The following NUP62 variants were observed in gnomAD, a reference collection of about 807,000 sequenced individuals.
NUP62 encodes nuclear pore glycoprotein p62.
For synonymous variants in NUP62, 305 were observed against 303.4 expected (o/e 1.01, Z -0.05); for missense variants, 647 against 689.4 (o/e 0.94, Z 0.69).
At chr19:49,926,843 A>C (rs1010291059) in intron 2 of NUP62, among the ~76,000 whole-genome samples, 1 of 145,142 alleles carries the variant, frequency 6.9e-6, no homozygotes, top group African/African-American at 2.5e-5. Flanking sequence ...TAACAGCCCT[A>C]AGAAGTAGGT....
chr19:49,916,049 G>A (rs957557215), intron 2 of NUP62, among the ~76,000 whole-genome samples: 1 of 152,208 alleles, frequency 6.6e-6, no homozygotes, highest in African/African-American at 2.4e-5. Context: ...CTGTGTAACC[G>A]GCACCGTGCC....
At chr19:49,910,070 C>T (rs1012981772) in intron 2 of NUP62, among the ~76,000 whole-genome samples, 186 bp from the exon 3 acceptor site, 5 of 151,986 alleles carry the variant, frequency 3.3e-5, no homozygotes, top group East Asian at 1.9e-4. Context: ...GGGTCAGGTA[C>T]GAGGAGCCGG....
At chr19:49,911,653 C>G (rs565499070) in intron 2 of NUP62, among the ~76,000 whole-genome samples, 1 of 152,200 alleles carries the variant, frequency 6.6e-6, no homozygotes, top group Non-Finnish European at 1.5e-5. Flanking sequence ...GAGATGACCC[C>G]AGGGCCAGCT....
rs1302497459 is a variant in NUP62 at position 49,921,939 on chromosome 19, T to C, written c.-78+5755A>G. 1.3e-5 allele frequency among the ~76,000 whole-genome samples: 2 copies of C among 152,202 alleles called. No homozygotes were observed. The highest frequency in any genetic ancestry group is 1.5e-5 in the Non-Finnish European group (1 of 68,036). On this transcript the variant is annotated intron_variant, in intron 2 of 2. Transcript: ENST00000352066. This position sits in a 1 kb window ranked among gnomAD's most constrained non-coding sequence, Gnocchi z 5.4. ...CTTCCATCTTGGCAGGATGAGTGCATTTGCTGCGAGAAAGCAGCCCCGACG... is the reference window on the plus strand; with the variant it reads ...CTTCCATCTTGGCAGGATGAGTGCACTTGCTGCGAGAAAGCAGCCCCGACG...
chr19:49,908,064 A>C lies in NUP62; in HGVS notation c.*175T>G. The C allele has an allele frequency of 2.2e-6, 3 of 1,384,242 alleles. No homozygotes were observed. The highest frequency in any genetic ancestry group is 2.9e-6 in the Non-Finnish European group (3 of 1,046,414). 85.7% of individuals were successfully genotyped at this position (1,384,242 alleles called of 1,614,324 possible). ...AGGCTGCTGCCTGGGCAGAAGGCCC[A>C]GAATACCCTCCTAAATGGAAAAACG... On this transcript the variant is annotated 3_prime_UTR_variant, in exon 3 of 3. Transcript: ENST00000352066.
intron 2 of NUP62, among the ~76,000 whole-genome samples, chr19:49,920,837 G>A (rs950061223): frequency 2.0e-5 from 3 of 152,152 alleles, no homozygotes; most frequent in Non-Finnish European, 4.4e-5. Context: ...CGTGTGTGGC[G>A]GGGGAGGAAC....
Position 49,907,617 on chromosome 19 carries a change from A to G in NUP62, c.*622T>C, listed in dbSNP as rs546317922. ...AGTGGTGTGATCTTGGTTCACTGCAACACCTCCTGGGTTCAAGTGATTCTC... is the reference window on the plus strand; with the variant it reads ...AGTGGTGTGATCTTGGTTCACTGCAGCACCTCCTGGGTTCAAGTGATTCTC... On this transcript the variant is annotated 3_prime_UTR_variant, in exon 3 of 3. Transcript: ENST00000352066. The G allele has an allele frequency of 2.5e-6, 1 of 400,152 alleles. No homozygotes were observed. The highest frequency in any genetic ancestry group is 7.3e-5 in the East Asian group (1 of 13,610). The allele number at this position is 400,152 out of a possible 1,614,324, so 24.8% of individuals were successfully genotyped here. A position where few individuals can be genotyped will look rare whatever the true frequency, so the allele number is the denominator to read the frequency against.
chr19:49,911,407 A>C (rs545110688), intron 2 of NUP62: 2 of 152,356 alleles, frequency 1.3e-5, no homozygotes, highest in South Asian at 4.1e-4. Flanking sequence ...GTCAAGACTG[A>C]GAAGCCAAGT....
intron 2 of NUP62, chr19:49,917,529 C>A (rs2075654978): frequency 1.3e-5 from 2 of 152,286 alleles, no homozygotes; most frequent in South Asian, 4.1e-4. Flanking sequence ...CGGTCCAGGC[C>A]AAATGGCCAG....
Position 49,908,692 on chromosome 19 carries a change from G to C in NUP62, c.1116C>G (p.Ile372Met), listed in dbSNP as rs1388842094. ...DRTLIENGEK[I>M]TSLHREVEKV... ...TCTCCACCTCGCGGTGCAGGCTGGTGATCTTTTCTCCATTCTCGATCAGCG... is the reference window on the plus strand; with the variant it reads ...TCTCCACCTCGCGGTGCAGGCTGGTCATCTTTTCTCCATTCTCGATCAGCG... Residue 372 changes from isoleucine (I) to methionine (M), a missense_variant, in exon 3 of 3, where the codon ATC becomes ATG. By Grantham distance (10) the Ile-to-Met change is conservative (BLOSUM62 1). Coordinates refer to ENST00000352066, the MANE Select transcript of NUP62 (RefSeq NM_016553.5). 5 of 1,612,268 alleles carry C rather than the reference G, an allele frequency of 3.1e-6. No homozygotes were observed. The South Asian group carries it at 3.3e-5, about 11-fold the overall frequency.
At chr19:49,922,604 G>T (rs1254272332) in intron 2 of NUP62, among the ~76,000 whole-genome samples, 1 of 151,966 alleles carries the variant, frequency 6.6e-6, no homozygotes, top group African/African-American at 2.4e-5. Context: ...GTGGGGAGGG[G>T]AAGTCACAGA....
intron 1 of NUP62, chr19:49,928,332 A>C (rs921165651): frequency 5.9e-5 from 9 of 152,208 alleles, no homozygotes; most frequent in Non-Finnish European, 1.0e-4. Flanking sequence ...CCTGGCTAAC[A>C]CAGTGAAACC....
At chr19:49,914,635 TGAGAACCAGGG>T (rs2075571149) in intron 2 of NUP62, among the ~76,000 whole-genome samples, 1 of 150,710 alleles carries the variant, frequency 6.6e-6, no homozygotes, top group African/African-American at 2.4e-5. Flanking sequence ...CCCCCATCTG[TGAGAACCAGGG>T]TTCTTTGCTG....
At position 49,907,971 on chromosome 19, in the gene NUP62, T is replaced by C. The variant is rs2075361079; in HGVS notation, c.*268A>G. The C allele has an allele frequency of 1.7e-6, 1 of 599,652 alleles. No homozygotes were observed. Among genetic ancestry groups the C allele is most frequent in the Non-Finnish European group, 2.8e-6 (1 of 355,532 alleles). 37.1% of individuals were successfully genotyped at this position (599,652 alleles called of 1,614,324 possible). On this transcript the variant is annotated 3_prime_UTR_variant, in exon 3 of 3. Coordinates refer to ENST00000352066, the MANE Select transcript of NUP62 (RefSeq NM_016553.5). ...ATCACCAGGCTGAGCCAGGATGAGG[T>C]GGGTGGTCGCAGTAGGTGAAAAGGG...
intron 2 of NUP62, among the ~76,000 whole-genome samples, chr19:49,915,099 G>A (rs955203837): frequency 2.6e-5 from 4 of 151,944 alleles, no homozygotes; most frequent in Admixed American, 6.6e-5. Context: ...GAATACAGGA[G>A]ACCTCAGCTT....
chr19:49,916,899 C>T (rs7255188), intron 2 of NUP62, among the ~76,000 whole-genome samples: 49,908 of 152,122 alleles, frequency 0.33, 8,571 homozygotes, highest in East Asian at 0.41. Context: ...TCAGCCTGGG[C>T]GGCTGAGCGA....
chr19:49,928,962 C>T (rs960749128), intron 1 of NUP62: 26 of 152,672 alleles, frequency 1.7e-4, no homozygotes, highest in African/African-American at 5.8e-4. Flanking sequence ...AACCAGACCC[C>T]GGAGCCACAA....
intron 2 of NUP62, among the ~76,000 whole-genome samples, chr19:49,915,962 C>T (rs2075613313): frequency 6.6e-6 from 1 of 152,244 alleles, no homozygotes; most frequent in Non-Finnish European, 1.5e-5. Context: ...CCGTTTGTTC[C>T]CTGCTGTATT....
At chr19:49,924,272 T>C (rs2075831665) in intron 2 of NUP62, among the ~76,000 whole-genome samples, 1 of 152,154 alleles carries the variant, frequency 6.6e-6, no homozygotes, top group African/African-American at 2.4e-5. Context: ...AACAAGCCTC[T>C]GTGATCTGAG....
Sources: gnomAD v4.1 joint callset for allele counts (sites outside exome capture counted in the v4.1 genomes callset) on GRCh38, gnomAD v4.1.1 for gene constraint, Gnocchi (gnomAD v3.1) non-coding constraint, MANE v1.5 for transcripts, NCBI Gene and HGNC (gene_info 2026-07-23, HGNC 2026-07-21) for gene names.